UGT3A1: variants seen among roughly 807,000 people sequenced by gnomAD.
UGT3A1 encodes UDP-glycosyltransferase 3A1.
A neutral mutation model predicts 37.6 loss-of-function variants in UGT3A1; 40 were observed. That is an observed-to-expected ratio of 1.06 (90% CI 0.83 to 1.38). UGT3A1 has a LOEUF of 1.38. UGT3A1 is among the 40% of genes most tolerant of loss of function. The pLI, the probability that UGT3A1 is intolerant of heterozygous loss-of-function variation, is 0.00. For missense variants in UGT3A1, 642 were observed against 634.2 expected (o/e 1.01, Z -0.13); for synonymous variants, 256 against 232.3 (o/e 1.10, Z -0.93).
At chr5:35,962,815 C>T (rs1739642136) in intron 4 of UGT3A1, 2 of 691,596 alleles carry the variant, frequency 2.9e-6, no homozygotes, top group East Asian at 2.7e-5. Flanking sequence ...AGGGTCAAAG[C>T]AGACTCAGTG....
intron 4 of UGT3A1, among the ~76,000 whole-genome samples, chr5:35,959,254 G>A (rs140006819): frequency 4.6e-5 from 7 of 152,132 alleles, no homozygotes; most frequent in African/African-American, 1.4e-4. Context: ...GTAACTAATT[G>A]TTCAAATGTC....
chr5:35,968,918 A>T (rs907956573), intron 2 of UGT3A1, among the ~76,000 whole-genome samples: 1 of 152,198 alleles, frequency 6.6e-6, no homozygotes, highest in African/African-American at 2.4e-5. Flanking sequence ...GGAATGACAA[A>T]CAGGGATCCT....
intron 2 of UGT3A1, among the ~76,000 whole-genome samples, chr5:35,968,677 T>C (rs2149965474): frequency 6.6e-6 from 1 of 152,166 alleles, no homozygotes; most frequent in South Asian, 2.1e-4. Flanking sequence ...ATCACCCATG[T>C]GTAATAAGAA....
chr5:35,973,630 A>G (rs1374012), intron 2 of UGT3A1, among the ~76,000 whole-genome samples: 41,299 of 152,010 alleles, frequency 0.27, 6,919 homozygotes, highest in Non-Finnish European at 0.38. Context: ...GAAACAGAAA[A>G]AGAGGACACA....
intron 1 of UGT3A1, among the ~76,000 whole-genome samples, chr5:35,990,091 C>CAAAA (rs397975621): frequency 3.5e-5 from 4 of 115,462 alleles, no homozygotes; most frequent in East Asian, 6.7e-4. Context: ...GACTCCGTCT[C>CAAAA]AAAAAAAAAA....
At chr5:35,959,100 A>G (rs1739475444) in intron 4 of UGT3A1, among the ~76,000 whole-genome samples, 1 of 152,212 alleles carries the variant, frequency 6.6e-6, no homozygotes, top group African/African-American at 2.4e-5. Context: ...AAAACAGTTG[A>G]GCATACAGAG....
chr5:35,989,451 G>C (rs1580964753), intron 1 of UGT3A1, among the ~76,000 whole-genome samples: 1 of 152,318 alleles, frequency 6.6e-6, no homozygotes, highest in Non-Finnish European at 1.5e-5. Context: ...GTTTGAGGAT[G>C]GAGGTGGAAG....
chr5:35,963,051 A>T, intron 4 of UGT3A1: 3 of 654,782 alleles, frequency 4.6e-6, no homozygotes, highest in South Asian at 1.7e-5. Context: ...TTTCTCTTCC[A>T]TCTGTTGTCC....
At chr5:35,967,276 C>T (rs1739846690) in intron 3 of UGT3A1, among the ~76,000 whole-genome samples, 1 of 152,144 alleles carries the variant, frequency 6.6e-6, no homozygotes, top group African/African-American at 2.4e-5. Context: ...AGGAAGCAAG[C>T]TTTATGGAAT....
chr5:35,980,604 T>C (rs578113178), intron 2 of UGT3A1, among the ~76,000 whole-genome samples: 2 of 152,288 alleles, frequency 1.3e-5, no homozygotes, highest in Non-Finnish European at 2.9e-5. Context: ...ATACAAGGCC[T>C]CTCTCCAAAT....
chr5:35,978,672 A>ATATGAGATATGGGGGGG (rs1740397247), intron 2 of UGT3A1, among the ~76,000 whole-genome samples: 1 of 152,058 alleles, frequency 6.6e-6, no homozygotes, highest in African/African-American at 2.4e-5. Flanking sequence ...GACACAGCCA[A>ATATGAGATATGGGGGGG]CCCATATCAT....
At position 35,991,235 on chromosome 5, in the gene UGT3A1, A is replaced by C; in HGVS notation, c.6T>G (p.Val2=). Residue 2 remains valine, a synonymous_variant, in exon 1 of 7, where the codon GTT becomes GTG. Transcript: ENST00000274278. M[V]GQRVLLLVAF... is the part of the protein sequence containing the mutation. ...CCACTAGAAGCAGCACCCGCTGCCC[A>C]ACCATGCTCACTTCCACAGAAGCAG... is the stretch of plus-strand genomic sequence containing the variant. 1 of 1,614,210 alleles carries C rather than the reference A, an allele frequency of 6.2e-7. No individual in the cohort carries two copies.
intron 3 of UGT3A1, among the ~76,000 whole-genome samples, chr5:35,966,298 T>A (rs564752387): frequency 7.5e-4 from 115 of 152,320 alleles, no homozygotes; most frequent in African/African-American, 2.7e-3. Flanking sequence ...GTGACTGTCT[T>A]TTCTCCAGAA....
chr5:35,984,753 G>A (rs1428647169), intron 2 of UGT3A1, among the ~76,000 whole-genome samples: 1 of 152,128 alleles, frequency 6.6e-6, no homozygotes, highest in Non-Finnish European at 1.5e-5. Flanking sequence ...GATTACAGGT[G>A]TGAGCCACCA....
chr5:35,990,585 G>T (rs1740904555), intron 1 of UGT3A1, among the ~76,000 whole-genome samples: 1 of 152,088 alleles, frequency 6.6e-6, no homozygotes, highest in Admixed American at 6.6e-5. Flanking sequence ...CCTCAGACCT[G>T]GGCAGTTCTC....
At chr5:35,965,087 A>G (rs1739744541) in intron 4 of UGT3A1, among the ~76,000 whole-genome samples, 1 of 152,228 alleles carries the variant, frequency 6.6e-6, no homozygotes, top group African/African-American at 2.4e-5. Context: ...TAATCACACA[A>G]CATAAAAATT....
In UGT3A1 at chr5:35,955,898, A is replaced by G. The variant is rs1327109436; in HGVS notation, c.1076-34T>C. The G allele has an allele frequency of 3.7e-6, 6 of 1,600,176 alleles. No homozygotes were observed. In the South Asian group the frequency reaches 6.6e-5, roughly 18 times the overall value. On this transcript the variant is annotated intron_variant, in intron 5 of 6. Transcript: ENST00000274278. ...AATAAGAAAGAGAGTGGAACACTTCAGGATGAAAAATTTTGGAATACCAGG... is the reference window on the plus strand; with the variant it reads ...AATAAGAAAGAGAGTGGAACACTTCGGGATGAAAAATTTTGGAATACCAGG...
intron 2 of UGT3A1, among the ~76,000 whole-genome samples, chr5:35,973,811 C>A (rs1740148345): frequency 6.6e-6 from 1 of 152,070 alleles, no homozygotes; most frequent in African/African-American, 2.4e-5. Flanking sequence ...CAAGTGGTAG[C>A]ACTTAAGCAC....
intron 4 of UGT3A1, among the ~76,000 whole-genome samples, chr5:35,963,395 AGGGGCTGCATGTATCTTGT>A (rs1739668604): frequency 6.6e-6 from 1 of 152,166 alleles, no homozygotes; most frequent in Non-Finnish European, 1.5e-5. Flanking sequence ...AACGGATTTC[AGGGGCTGCATGTATCTTGT>A]TTAGATTGTC....
Sources: gnomAD v4.1 joint callset for allele counts (sites outside exome capture counted in the v4.1 genomes callset) on GRCh38, gnomAD v4.1.1 for gene constraint, MANE v1.5 for transcripts, NCBI Gene and HGNC (gene_info 2026-07-23, HGNC 2026-07-21) for gene names.